Variants in DNAH14 observed in about 807,000 individuals in gnomAD.
DNAH14 encodes dynein axonemal heavy chain 14.
In DNAH14, 478 loss-of-function variants were observed where a neutral mutation model predicts 520.9. The ratio of observed to expected loss-of-function variants is 0.92; its 90% CI spans 0.85 to 0.99. The LOEUF is 0.99. Ranked by LOEUF, DNAH14 falls within the 50% of genes least tolerant of loss-of-function variation. DNAH14 has a pLI of 0.00. For synonymous variants in DNAH14, 1,581 were observed against 1,757.2 expected (o/e 0.90, Z 2.51); for missense variants, 4,831 against 5,234.5 (o/e 0.92, Z 2.38).
intron 80 of DNAH14, among the ~76,000 whole-genome samples, chr1:225,380,810 TCCCAGTTAAATTTTAATA>T (rs1010974403): frequency 1.4e-4 from 21 of 152,176 alleles, no homozygotes; most frequent in Non-Finnish European, 2.5e-4. Context: ...ATGATAATTT[TCCCAGTTAAATTTTAATA>T]CCCATATTTT....
chr1:225,261,688 T>A (rs977648172), intron 46 of DNAH14, among the ~76,000 whole-genome samples: 2 of 152,080 alleles, frequency 1.3e-5, no homozygotes, highest in African/African-American at 4.8e-5. Context: ...TCCACTTCAA[T>A]GTTTTGGAAG....
chr1:225,190,271 A>G (rs1054461064), intron 37 of DNAH14, among the ~76,000 whole-genome samples: 3 of 152,040 alleles, frequency 2.0e-5, no homozygotes, highest in Non-Finnish European at 4.4e-5. Flanking sequence ...AATTATGTGA[A>G]TGTGATCTCT....
Position 225,157,006 on chromosome 1 carries a change from C to T in DNAH14, c.5274-2308C>T, listed in dbSNP as rs1323706294. ...CTGGGATTACAGGCGTGAGCCACCGCGCCCGGCCTTAAAATTCTTAATCAC... is the reference window on the plus strand; with the variant it reads ...CTGGGATTACAGGCGTGAGCCACCGTGCCCGGCCTTAAAATTCTTAATCAC... On this transcript the variant is annotated intron_variant, in intron 34 of 85. Transcript: ENST00000682510. Among the ~76,000 whole-genome samples, 2 of 109,378 alleles carry T rather than the reference C, an allele frequency of 1.8e-5. 1 individual carries two copies. The highest frequency in any genetic ancestry group is 3.7e-5 in the Non-Finnish European group (2 of 54,054). 71.8% of individuals were successfully genotyped at this position (109,378 alleles called of 152,430 possible).
At chr1:225,261,718 T>G (rs1389786462) in intron 46 of DNAH14, among the ~76,000 whole-genome samples, 1 of 152,094 alleles carries the variant, frequency 6.6e-6, no homozygotes, top group Non-Finnish European at 1.5e-5. Flanking sequence ...AGGAGTGGTA[T>G]TAGTTCCCCT....
intron 32 of DNAH14, 58 bp downstream of exon 32, chr1:225,152,131 T>G (rs192905176): frequency 2.1e-6 from 3 of 1,426,762 alleles, no homozygotes; most frequent in Non-Finnish European, 2.8e-6. Flanking sequence ...TTCTTAAATC[T>G]TATCTACAGA....
chr1:225,346,233 A>G lies in DNAH14; in HGVS notation c.10950A>G (p.Glu3650=). The change falls in exon 70 of 86, where the codon GAA becomes GAG. Residue 3650 remains glutamate (E), a synonymous_variant. Transcript: ENST00000682510. ...SSVVSKSKEQ[E]HSFKREKVSP... is the part of the protein sequence containing the mutation. Reference sequence around the variant, plus strand: ...TAGTTTCCAAAAGCAAAGAACAAGAACATAGTTTTAAAAGGGAGAAAGTGT... The same window carrying G: ...TAGTTTCCAAAAGCAAAGAACAAGAGCATAGTTTTAAAAGGGAGAAAGTGT... 1 of 1,551,696 alleles carries G rather than the reference A, an allele frequency of 6.4e-7. No homozygotes were observed. The highest frequency in any genetic ancestry group is 8.7e-7 in the Non-Finnish European group (1 of 1,146,984).
At chr1:225,269,475 A>T (rs1163483824) in intron 49 of DNAH14, among the ~76,000 whole-genome samples, 6 of 152,250 alleles carry the variant, frequency 3.9e-5, no homozygotes, top group African/African-American at 1.4e-4. Context: ...CAAAATTGAC[A>T]AATGGGATCT....
At chr1:225,015,118 G>C (rs2065105737) in intron 10 of DNAH14, among the ~76,000 whole-genome samples, 2 of 151,944 alleles carry the variant, frequency 1.3e-5, no homozygotes, top group Non-Finnish European at 2.9e-5. Flanking sequence ...AGACACTTCT[G>C]CTTGATTTCG....
chr1:225,349,127 T>A (rs549960982), intron 71 of DNAH14, among the ~76,000 whole-genome samples: 1 of 152,236 alleles, frequency 6.6e-6, no homozygotes, highest in South Asian at 2.1e-4. Flanking sequence ...CATGCCACCA[T>A]ACCCAGCTAA....
In DNAH14 at chr1:225,105,283, G is replaced by C. The variant is rs548595109; in HGVS notation, c.3867+4399G>C. Among the ~76,000 whole-genome samples, 212 of 152,260 alleles carry C rather than the reference G, an allele frequency of 1.4e-3. 2 individuals carry two copies. The highest frequency in any genetic ancestry group is 4.9e-3 in the African/African-American group (205 of 41,548). ...TTATAATTTCTGATCTTTTACATTTGCTGAGGAGAGCTTTACTTCCAACTA... is the reference window on the plus strand; with the variant it reads ...TTATAATTTCTGATCTTTTACATTTCCTGAGGAGAGCTTTACTTCCAACTA... On this transcript the variant is annotated intron_variant, in intron 23 of 85. Coordinates refer to ENST00000682510, the MANE Select transcript of DNAH14 (RefSeq NM_001367479.1).
At chr1:225,323,057 A>G (rs981921959) in intron 62 of DNAH14, among the ~76,000 whole-genome samples, 1 of 152,204 alleles carries the variant, frequency 6.6e-6, no homozygotes, top group Non-Finnish European at 1.5e-5. Flanking sequence ...AATACTGTAT[A>G]TCTAACTCCA....
At chr1:224,984,617 G>T (rs980161569) in intron 8 of DNAH14, among the ~76,000 whole-genome samples, 2 of 152,170 alleles carry the variant, frequency 1.3e-5, no homozygotes, top group Non-Finnish European at 2.9e-5. Flanking sequence ...TCCACAGAGT[G>T]GGAGAAAATC....
chr1:224,943,846 T>G (rs1432486231), intron 1 of DNAH14, among the ~76,000 whole-genome samples: 1 of 152,226 alleles, frequency 6.6e-6, no homozygotes, highest in African/African-American at 2.4e-5. Flanking sequence ...TTGATTGCAC[T>G]GTGGTCTGAG....
intron 4 of DNAH14, among the ~76,000 whole-genome samples, chr1:224,962,004 G>A (rs1482349318): frequency 6.6e-6 from 1 of 151,972 alleles, no homozygotes; most frequent in East Asian, 1.9e-4. Flanking sequence ...GACCTAAGTG[G>A]CATTTTGTTT....
At chr1:225,384,103 A>AGGTG in intron 81 of DNAH14, among the ~76,000 whole-genome samples, 2 of 152,216 alleles carry the variant, frequency 1.3e-5, no homozygotes, top group African/African-American at 4.8e-5. Flanking sequence ...TCTAAGAAAC[A>AGGTG]GTTTGTTACA....
In DNAH14 at chr1:224,994,488, C is replaced by T. The variant is rs78322857; in HGVS notation, c.831-8295C>T. ...TCTATTTTATCTGATATAACTATAA[C>T]CACCCCTGTTCTTTTTCTTTCCATT... On this transcript the variant is annotated intron_variant, in intron 8 of 85. Transcript: ENST00000682510. Among the ~76,000 whole-genome samples the T allele has an allele frequency of 2.5e-3, 375 of 152,014 alleles. 1 individual carries two copies. The highest frequency in any genetic ancestry group is 8.6e-3 in the African/African-American group (355 of 41,502).
chr1:225,152,138 C>T (rs2080559143), intron 32 of DNAH14, 65 bp downstream of exon 32: 2 of 1,378,108 alleles, frequency 1.5e-6, no homozygotes, highest in East Asian at 2.5e-5. Context: ...ATCTTATCTA[C>T]AGATGGAGTT....
At chr1:225,238,561 C>T (rs566207875) in intron 42 of DNAH14, among the ~76,000 whole-genome samples, 15 of 152,248 alleles carry the variant, frequency 9.9e-5, no homozygotes, top group African/African-American at 1.9e-4. Context: ...TGTCTGGAGA[C>T]GCCTGTTGGG....
chr1:225,023,804 T>C lies in DNAH14; in HGVS notation c.1297T>C (p.Leu433=), dbSNP rs779784046. 1.3e-6 allele frequency: 2 copies of C among 1,549,976 alleles called. No homozygotes were observed. Among genetic ancestry groups the C allele is most frequent in the South Asian group, 2.4e-5 (2 of 83,720 alleles). Residue 433 remains leucine (L), a synonymous_variant, in exon 11 of 86, where the codon TTA becomes CTA. Coordinates refer to ENST00000682510, the MANE Select transcript of DNAH14 (RefSeq NM_001367479.1). ...CACTGCAGTCACACTACTTTTGGAA[T>C]TATTTAATGGTTCTGCTGGAATGCC... ...MNTAVTLLLE[L]FNGSAGMPFS...
Sources: gnomAD v4.1 joint callset for allele counts (sites outside exome capture counted in the v4.1 genomes callset) on GRCh38, gnomAD v4.1.1 for gene constraint, MANE v1.5 for transcripts, NCBI Gene and HGNC (gene_info 2026-07-23, HGNC 2026-07-21) for gene names.